The following RGS9 variants were observed in gnomAD, a reference collection of about 807,000 sequenced individuals.
RGS9 encodes regulator of G-protein signalling 9.
RGS9 carries 78 observed loss-of-function variants against 102.0 expected under a neutral mutation model. The observed-to-expected ratio is 0.76, with a 90% CI of 0.64 to 0.92. The LOEUF is 0.92. Among genes scored for constraint, RGS9 ranks in the 40% least tolerant of loss-of-function variants. The pLI, the probability that RGS9 is intolerant of heterozygous loss-of-function variation, is 0.00. For synonymous variants in RGS9, 353 were observed against 318.6 expected, an observed-to-expected ratio of 1.11 and a Z score of -1.15; for missense variants, 833 against 866.1, an observed-to-expected ratio of 0.96 and a Z score of 0.48.
intron 14 of RGS9, among the ~76,000 whole-genome samples, chr17:65,202,286 GAC>G (rs1273173473): frequency 6.6e-6 from 1 of 152,116 alleles, no homozygotes; most frequent in Admixed American, 6.5e-5. Context: ...AGCCTGGTGA[GAC>G]ATGCAGTGTG....
rs1910929951 is a variant in RGS9 at position 65,160,290 on chromosome 17, A to AC, written c.267dup (p.Lys90GlnfsTer8). ...TATGGCTACATTTACCCCCTGCAAG[A>AC]CCCCAAGAATCTCATTCTCAAGCCT... On this transcript the variant is annotated frameshift_variant, in exon 4 of 19. Coordinates refer to ENST00000262406, the MANE Select transcript of RGS9 (RefSeq NM_003835.4). LOFTEE classifies it high-confidence loss of function. The AC allele has an allele frequency of 6.2e-7, 1 of 1,614,052 alleles. No homozygotes were observed. The highest frequency in any genetic ancestry group is 8.5e-7 in the Non-Finnish European group (1 of 1,180,034).
chr17:65,162,861 A>G (rs1911037593), intron 6 of RGS9, 152 bp from the exon 7 acceptor site: 3 of 644,322 alleles, frequency 4.7e-6, no homozygotes, highest in South Asian at 1.7e-5. Context: ...CCTTGAGTGA[A>G]CACCATGGTA....
At chr17:65,164,749 A>C (rs1911113245) in intron 7 of RGS9, among the ~76,000 whole-genome samples, 1 of 152,214 alleles carries the variant, frequency 6.6e-6, no homozygotes, top group Non-Finnish European at 1.5e-5. Flanking sequence ...CATTAGCCAC[A>C]AACATGTTTC....
intron 12 of RGS9, among the ~76,000 whole-genome samples, chr17:65,196,897 A>G (rs747542913): frequency 6.6e-6 from 1 of 152,214 alleles, no homozygotes; most frequent in Non-Finnish European, 1.5e-5. Context: ...CACGGTGGGC[A>G]TCCTCCTCAC....
rs945460482 is a variant in RGS9 at position 65,153,595 on chromosome 17, A to G, written c.154+77A>G. ...ATACGGCCCACCTCCTGTGTTTGTA[A>G]AAAACTTTATTTTTGGCCAGGTGCA... On this transcript the variant is annotated intron_variant, in intron 2 of 18. Transcript: ENST00000262406. 3.9e-6 allele frequency: 5 copies of G among 1,271,006 alleles called. No individual in the cohort carries two copies. The African/African-American group carries it at 7.3e-5, about 19-fold the overall frequency. The allele number at this position is 1,271,006 out of a possible 1,614,324, so 78.7% of individuals were successfully genotyped here.
At chr17:65,190,039 G>T (rs542609258) in intron 10 of RGS9, 136 bp from the exon 11 acceptor site, 2 of 778,480 alleles carry the variant, frequency 2.6e-6, no homozygotes, top group South Asian at 1.4e-5. Context: ...TGACCCACTG[G>T]TACTGAGGGG....
At chr17:65,166,072 T>G (rs946750676) in intron 7 of RGS9, among the ~76,000 whole-genome samples, 3 of 152,180 alleles carry the variant, frequency 2.0e-5, no homozygotes, top group Non-Finnish European at 4.4e-5. Context: ...TGGTCTAGCT[T>G]GAGCTACCTC....
intron 7 of RGS9, among the ~76,000 whole-genome samples, chr17:65,166,336 C>T (rs1319693220): frequency 6.6e-6 from 1 of 151,920 alleles, no homozygotes; most frequent in Non-Finnish European, 1.5e-5. Context: ...TAAAAATCAC[C>T]ACAGAGGCCA....
intron 9 of RGS9, among the ~76,000 whole-genome samples, chr17:65,179,342 A>G (rs553297421): frequency 6.6e-6 from 1 of 152,346 alleles, no homozygotes; most frequent in East Asian, 1.9e-4. Flanking sequence ...CACAGGGCAC[A>G]GTCAGCCTTA....
At chr17:65,139,485 T>C (rs776393630) in intron 1 of RGS9, among the ~76,000 whole-genome samples, 2 of 152,066 alleles carry the variant, frequency 1.3e-5, no homozygotes, top group African/African-American at 2.4e-5. Flanking sequence ...ACCTGCCCTC[T>C]GGGAAACAAC....
chr17:65,151,554 T>C (rs1306867594), intron 1 of RGS9, among the ~76,000 whole-genome samples: 2 of 152,358 alleles, frequency 1.3e-5, no homozygotes, highest in East Asian at 3.9e-4. Context: ...CTCTAATTCA[T>C]ATCTCTGACC....
At chr17:65,174,697 T>C (rs1199429210) in intron 8 of RGS9, among the ~76,000 whole-genome samples, 1 of 152,084 alleles carries the variant, frequency 6.6e-6, no homozygotes, top group East Asian at 1.9e-4. Context: ...TGTGTGCATG[T>C]ATGTGAGCAT....
At chr17:65,212,735 T>C (rs1450976952) in intron 17 of RGS9, among the ~76,000 whole-genome samples, 2 of 152,234 alleles carry the variant, frequency 1.3e-5, no homozygotes, top group Admixed American at 6.5e-5. Context: ...TTGCACTGGT[T>C]GCAGACCAGT....
At position 65,204,157 on chromosome 17, in the gene RGS9, C is replaced by T. The variant is rs367801894; in HGVS notation, c.1065-6C>T. ...TACTTTTGCTAACATCTCCCTCCCA[C>T]CCCAGGCTGTTCCTGGCCCCGGGGG... On this transcript the variant is annotated splice_polypyrimidine_tract_variant and splice_region_variant and intron_variant, in intron 14 of 18. Transcript: ENST00000262406. The T allele has an allele frequency of 1.9e-6, 3 of 1,612,330 alleles. No individual in the cohort carries two copies. The highest frequency in any genetic ancestry group is 2.2e-5 in the East Asian group (1 of 44,890).
At chr17:65,151,544 C>A (rs1315107767) in intron 1 of RGS9, among the ~76,000 whole-genome samples, 3 of 152,174 alleles carry the variant, frequency 2.0e-5, no homozygotes, top group African/African-American at 7.2e-5. Context: ...ACATTCATGG[C>A]TCTAATTCAT....
At chr17:65,146,124 A>G (rs1272686901) in intron 1 of RGS9, among the ~76,000 whole-genome samples, 2 of 152,164 alleles carry the variant, frequency 1.3e-5, no homozygotes, top group African/African-American at 4.8e-5. Flanking sequence ...CCAACTTTCT[A>G]TCAGAGAAAC....
intron 1 of RGS9, among the ~76,000 whole-genome samples, chr17:65,140,617 G>A (rs1753814186): frequency 6.6e-6 from 1 of 152,202 alleles, no homozygotes; most frequent in Non-Finnish European, 1.5e-5. Flanking sequence ...GCTCATGCCT[G>A]TAATCCCAGC....
chr17:65,147,587 CTTTTTT>C, intron 1 of RGS9, among the ~76,000 whole-genome samples: 1 of 103,674 alleles, frequency 9.6e-6, no homozygotes, highest in South Asian at 3.3e-4. Context: ...CTTTTAAAAA[CTTTTTT>C]TTTTTTTTTT....
intron 8 of RGS9, among the ~76,000 whole-genome samples, chr17:65,174,843 G>A (rs1445726299): frequency 6.6e-6 from 1 of 152,270 alleles, no homozygotes; most frequent in African/African-American, 2.4e-5. Context: ...ATGGCGGAAC[G>A]GGAAAAGGCA....
Sources: gnomAD v4.1 joint callset for allele counts (sites outside exome capture counted in the v4.1 genomes callset) on GRCh38, gnomAD v4.1.1 for gene constraint, MANE v1.5 for transcripts, NCBI Gene and HGNC (gene_info 2026-07-23, HGNC 2026-07-21) for gene names.